PCCA: variants seen among roughly 807,000 people sequenced by gnomAD.
PCCA encodes propionyl-CoA carboxylase subunit alpha, also known as propionyl-CoA carboxylase alpha chain, mitochondrial.
Under a neutral mutation model 101.3 loss-of-function variants are expected in PCCA, and 74 were observed. That is an observed-to-expected ratio of 0.73 (90% CI 0.61 to 0.89). The LOEUF is 0.89. Ranked by LOEUF, PCCA falls within the 40% of genes least tolerant of loss-of-function variation. PCCA has a pLI of 0.00. For missense variants in PCCA, 891 were observed against 907.0 expected (o/e 0.98, Z 0.23); for synonymous variants, 294 against 313.6 (o/e 0.94, Z 0.66).
intron 4 of PCCA, among the ~76,000 whole-genome samples, chr13:100,137,758 A>G (rs182638501): frequency 7.9e-4 from 120 of 151,024 alleles, no homozygotes; most frequent in African/African-American, 2.7e-3. Context: ...CACAGCATAT[A>G]CTTGGGTCAT....
At chr13:100,451,597 A>G (rs2081234078) in intron 21 of PCCA, among the ~76,000 whole-genome samples, 1 of 151,952 alleles carries the variant, frequency 6.6e-6, no homozygotes, top group Non-Finnish European at 1.5e-5. Context: ...TGTATCGGAA[A>G]CTGAGCTCGA....
intron 2 of PCCA, among the ~76,000 whole-genome samples, chr13:100,111,350 A>G (rs1055229308): frequency 1.3e-5 from 2 of 148,230 alleles, no homozygotes; most frequent in African/African-American, 5.0e-5. Context: ...TTTAGTAGAG[A>G]TGGGGTTTTA....
At chr13:100,375,801 C>G (rs2075865453) in intron 19 of PCCA, among the ~76,000 whole-genome samples, 2 of 152,156 alleles carry the variant, frequency 1.3e-5, no homozygotes, top group Non-Finnish European at 2.9e-5. Context: ...CAATATTAAC[C>G]TTAAATGTAA....
intron 21 of PCCA, among the ~76,000 whole-genome samples, chr13:100,459,528 T>C (rs1334545249): frequency 1.3e-5 from 2 of 152,354 alleles, no homozygotes; most frequent in East Asian, 3.9e-4. Context: ...TGATGATGGC[T>C]ATGCCTAATT....
intron 8 of PCCA, among the ~76,000 whole-genome samples, chr13:100,242,714 G>A (rs1190810812): frequency 1.3e-5 from 2 of 152,092 alleles, no homozygotes; most frequent in African/African-American, 4.8e-5. Context: ...CCCATGACTC[G>A]CAATGTTCCC....
intron 16 of PCCA, among the ~76,000 whole-genome samples, chr13:100,328,689 A>ATTTTTTTTTT (rs757599001): frequency 2.0e-5 from 2 of 98,202 alleles, no homozygotes; most frequent in South Asian, 4.4e-4. Context: ...GTTGAGGTTA[A>ATTTTTTTTTT]TTTTTTTTTT....
At chr13:100,168,170 G>A (rs1031603070) in intron 6 of PCCA, among the ~76,000 whole-genome samples, 1 of 152,218 alleles carries the variant, frequency 6.6e-6, no homozygotes, top group Admixed American at 6.5e-5. Flanking sequence ...CATAACCATC[G>A]TGAGTAAGAG....
chr13:100,505,863 C>T (rs1272072026), intron 21 of PCCA, among the ~76,000 whole-genome samples: 1 of 149,688 alleles, frequency 6.7e-6, no homozygotes, highest in African/African-American at 2.5e-5. Flanking sequence ...CACCCTCCCC[C>T]ATCCCCCCCA....
chr13:100,199,971 C>T (rs559694124), intron 6 of PCCA, among the ~76,000 whole-genome samples: 3 of 152,210 alleles, frequency 2.0e-5, no homozygotes, highest in African/African-American at 4.8e-5. Flanking sequence ...CTCTTTGGTC[C>T]GTGGGGCTTA....
At position 100,484,316 on chromosome 13, in the gene PCCA, G is replaced by A. The variant is rs566345471; in HGVS notation, c.1900-31111G>A. Among the ~76,000 whole-genome samples the A allele has an allele frequency of 1.4e-4, 22 of 152,152 alleles. No individual in the cohort carries two copies. In the South Asian group the frequency reaches 4.6e-3, roughly 32 times the overall value. On this transcript the variant is annotated intron_variant, in intron 21 of 23. Coordinates refer to ENST00000376285, the MANE Select transcript of PCCA (RefSeq NM_000282.4). ...CCGTGTTCTGCAGGAATTGACAGAG[G>A]CTCTCGTGAAACCCTTGACACTTTG...
chr13:100,451,587 T>A (rs1399695347), intron 21 of PCCA, among the ~76,000 whole-genome samples: 1 of 152,118 alleles, frequency 6.6e-6, no homozygotes, highest in African/African-American at 2.4e-5. Flanking sequence ...CTCAACTTCA[T>A]GTATCGGAAA....
At chr13:100,238,871 T>C (rs1477644037) in intron 8 of PCCA, among the ~76,000 whole-genome samples, 2 of 152,244 alleles carry the variant, frequency 1.3e-5, no homozygotes, top group African/African-American at 2.4e-5. Flanking sequence ...TCTAAACAAC[T>C]GATTTATAAT....
At chr13:100,349,566 T>G (rs776980709) in intron 18 of PCCA, among the ~76,000 whole-genome samples, 1 of 152,238 alleles carries the variant, frequency 6.6e-6, no homozygotes. Flanking sequence ...CCCGGCCACT[T>G]TCTGGTTTCT....
intron 12 of PCCA, among the ~76,000 whole-genome samples, chr13:100,285,650 C>T (rs1223553977): frequency 6.6e-6 from 1 of 152,158 alleles, no homozygotes; most frequent in Non-Finnish European, 1.5e-5. Flanking sequence ...GGTGCTCCTC[C>T]TTGAAGGACC....
At chr13:100,241,912 GC>G (rs1241935311) in intron 8 of PCCA, among the ~76,000 whole-genome samples, 1 of 152,130 alleles carries the variant, frequency 6.6e-6, no homozygotes, top group East Asian at 1.9e-4. Flanking sequence ...AAGTGAAATT[GC>G]TGGGTTATAT....
intron 19 of PCCA, among the ~76,000 whole-genome samples, chr13:100,378,148 G>T (rs2076032974): frequency 6.6e-6 from 1 of 152,146 alleles, no homozygotes; most frequent in Non-Finnish European, 1.5e-5. Context: ...TTCGGCGTTT[G>T]CTTGTCTGGG....
chr13:100,090,742 G>T (rs2046206494), intron 1 of PCCA, among the ~76,000 whole-genome samples: 1 of 152,150 alleles, frequency 6.6e-6, no homozygotes, highest in African/African-American at 2.4e-5. Context: ...CTGTTCTGTT[G>T]CTTTGCTTGA....
At chr13:100,116,239 G>A (rs1160295950) in intron 4 of PCCA, among the ~76,000 whole-genome samples, 1 of 152,176 alleles carries the variant, frequency 6.6e-6, no homozygotes, top group East Asian at 1.9e-4. Context: ...GTAACTTGGA[G>A]TAAAAAACTT....
At chr13:100,335,260 A>T (rs912636155) in intron 17 of PCCA, among the ~76,000 whole-genome samples, 1 of 152,220 alleles carries the variant, frequency 6.6e-6, no homozygotes, top group Non-Finnish European at 1.5e-5. Flanking sequence ...AGGTAAGATG[A>T]TAGCTTAAAA....
Sources: gnomAD v4.1 joint callset for allele counts (sites outside exome capture counted in the v4.1 genomes callset) on GRCh38, gnomAD v4.1.1 for gene constraint, MANE v1.5 for transcripts, NCBI Gene and HGNC (gene_info 2026-07-23, HGNC 2026-07-21) for gene names.